The following ESR1 variants were observed in gnomAD, a reference collection of about 807,000 sequenced individuals.
The protein encoded by ESR1 is estrogen receptor.
ESR1 carries 12 observed loss-of-function variants against 52.7 expected under a neutral mutation model. That is an observed-to-expected ratio of 0.23 (90% CI 0.15 to 0.37). The LOEUF (loss-of-function observed/expected upper bound fraction) is 0.37. Ranked by LOEUF, ESR1 falls within the 10% of genes least tolerant of loss-of-function variation. The probability of loss-of-function intolerance (pLI) is 1.00; values close to 1 mark genes in which losing one functional copy is unlikely to be tolerated. For synonymous variants in ESR1, 305 were observed against 316.8 expected, an observed-to-expected ratio of 0.96 and a Z score of 0.39; for missense variants, 584 against 779.7, an observed-to-expected ratio of 0.75 and a Z score of 2.99.
At chr6:152,002,579 C>G (rs992223898) in intron 4 of ESR1, among the ~76,000 whole-genome samples, 1 of 152,042 alleles carries the variant, frequency 6.6e-6, no homozygotes, top group Non-Finnish European at 1.5e-5. Context: ...CAGTAGCTGT[C>G]CTTCCTGTCC....
At chr6:152,073,076 A>G (rs1162394785) in intron 6 of ESR1, among the ~76,000 whole-genome samples, 1 of 152,206 alleles carries the variant, frequency 6.6e-6, no homozygotes, top group African/African-American at 2.4e-5. Flanking sequence ...GGCATTTCCA[A>G]CTAAGAAAAT....
At position 152,094,512 on chromosome 6, in the gene ESR1, G is replaced by A. The variant is rs149097417; in HGVS notation, c.1497G>A (p.Gln499=). Residue 499 remains glutamine (Q), a synonymous_variant, in exon 7 of 8, where the codon CAG becomes CAA. Coordinates refer to ENST00000206249, the MANE Select transcript of ESR1 (RefSeq NM_000125.4). This position sits in a 1 kb window ranked among gnomAD's most constrained non-coding sequence, Gnocchi z 4.6. ...LMAKAGLTLQ[Q]QHQRLAQLLL... Reference sequence around the variant, plus strand: ...CCAAGGCAGGCCTGACCCTGCAGCAGCAGCACCAGCGGCTGGCCCAGCTCC... The same window carrying A: ...CCAAGGCAGGCCTGACCCTGCAGCAACAGCACCAGCGGCTGGCCCAGCTCC... 4.4e-5 allele frequency: 71 copies of A among 1,614,018 alleles called. No individual in the cohort carries two copies. Among genetic ancestry groups the A allele is most frequent in the Non-Finnish European group, 5.4e-5 (64 of 1,180,042 alleles).
intron 6 of ESR1, chr6:152,112,877 A>AC (rs144682606): frequency 6.6e-6 from 1 of 152,178 alleles, no homozygotes; most frequent in Non-Finnish European, 1.5e-5. Context: ...TGTTCCCAAG[A>AC]CCCCCTACAG....
chr6:152,076,900 G>C (rs928777573), intron 6 of ESR1, among the ~76,000 whole-genome samples: 2 of 152,162 alleles, frequency 1.3e-5, no homozygotes, highest in Non-Finnish European at 2.9e-5. Flanking sequence ...CAGCATAAAA[G>C]TTCAGAAAAT....
At chr6:151,837,878 A>G (rs956564490) in intron 1 of ESR1, among the ~76,000 whole-genome samples, 1 of 152,258 alleles carries the variant, frequency 6.6e-6, no homozygotes, top group Non-Finnish European at 1.5e-5. Flanking sequence ...ACCTTCACTT[A>G]TAATAAAGGG....
chr6:151,934,783 T>G (rs2034149509), intron 3 of ESR1, among the ~76,000 whole-genome samples: 1 of 152,216 alleles, frequency 6.6e-6, no homozygotes, highest in Admixed American at 6.5e-5. Flanking sequence ...CCAGGATGTG[T>G]GCAATTTGTA....
chr6:151,794,055 A>G (rs533482881), intron 2 of ESR1, among the ~76,000 whole-genome samples: 1 of 152,264 alleles, frequency 6.6e-6, no homozygotes, highest in African/African-American at 2.4e-5. Context: ...CAAAATGGGG[A>G]AGGGAGGGTT....
chr6:151,970,001 G>C (rs2038737693), intron 4 of ESR1, among the ~76,000 whole-genome samples: 1 of 151,810 alleles, frequency 6.6e-6, no homozygotes. Context: ...TTCATTCCCA[G>C]CTGTTCTTGA....
At chr6:152,031,058 A>G (rs1584909936) in intron 5 of ESR1, among the ~76,000 whole-genome samples, 1 of 152,324 alleles carries the variant, frequency 6.6e-6, no homozygotes, top group East Asian at 1.9e-4. Context: ...TAACGAAATG[A>G]AGGCAGAAAT....
intron 2 of ESR1, among the ~76,000 whole-genome samples, chr6:151,726,748 T>C (rs1405869880): frequency 1.3e-5 from 2 of 152,250 alleles, no homozygotes; most frequent in Non-Finnish European, 2.9e-5. Context: ...TTATTAATTA[T>C]AATAATTTTA....
At position 151,807,896 on chromosome 6, in the gene ESR1, G is replaced by A. The variant is rs956718367; in HGVS notation, c.-17G>A. 20 of 1,611,180 alleles carry A rather than the reference G, an allele frequency of 1.2e-5. 1 individual carries two copies. In the Admixed American group the frequency reaches 2.7e-4, roughly 21 times the overall value. The stretch of plus-strand genomic sequence containing the variant: ...CCTGCGGGGACACGGTCTGCACCCT[G>A]CCCGCGGCCACGGACCATGACCATG... On this transcript the variant is annotated 5_prime_UTR_variant, in exon 1 of 8. Coordinates refer to ENST00000206249, the MANE Select transcript of ESR1 (RefSeq NM_000125.4).
At chr6:152,063,295 A>G (rs1487781254) in intron 6 of ESR1, among the ~76,000 whole-genome samples, 3 of 152,170 alleles carry the variant, frequency 2.0e-5, no homozygotes, top group Non-Finnish European at 2.9e-5. Flanking sequence ...CATAGTTTAT[A>G]GTTGTCTTTT....
intron 4 of ESR1, among the ~76,000 whole-genome samples, chr6:151,999,767 C>T (rs1427527663): frequency 1.3e-5 from 2 of 152,096 alleles, no homozygotes; most frequent in East Asian, 3.9e-4. Context: ...CTATCAGGGG[C>T]TCTTACCCTG....
intron 2 of ESR1, among the ~76,000 whole-genome samples, chr6:151,873,210 G>A (rs1232047875): frequency 6.6e-6 from 1 of 152,220 alleles, no homozygotes; most frequent in Non-Finnish European, 1.5e-5. Flanking sequence ...CTTCTGGAAT[G>A]AAAGGAGACC....
At chr6:152,122,449 G>A (rs766438191) in intron 6 of ESR1, 1 of 1,614,160 alleles carries the variant, frequency 6.2e-7, no homozygotes, top group Admixed American at 1.7e-5. Flanking sequence ...GAGTGGAGGA[G>A]GGCCATTCGT....
chr6:151,740,285 A>ATTTTTTTTTTTT (rs386408967), intron 2 of ESR1, among the ~76,000 whole-genome samples: 117 of 107,954 alleles, frequency 1.1e-3, no homozygotes, highest in Middle Eastern at 6.0e-3. Context: ...TGCCTGGCTA[A>ATTTTTTTTTTTT]TTTTTTTTTT....
Position 152,053,888 on chromosome 6 carries a change from G to GT in ESR1, c.1236-7102dup, listed in dbSNP as rs576906791. ...TAAGGATTTTTTCCTGCATACTTTT[G>GT]TAAGTGTAGAAAATATATGTATAGG... On this transcript the variant is annotated intron_variant, in intron 5 of 7. Coordinates refer to ENST00000206249, the MANE Select transcript of ESR1 (RefSeq NM_000125.4). The surrounding 1 kb of genome is among the most constrained non-coding windows in gnomAD (Gnocchi z 4.1). 2.0e-3 allele frequency among the ~76,000 whole-genome samples: 308 copies of GT among 152,126 alleles called. 1 individual carries two copies. The highest frequency in any genetic ancestry group is 7.4e-3 in the African/African-American group (307 of 41,508).
At chr6:151,693,781 C>A (rs1779119068) in intron 1 of ESR1, among the ~76,000 whole-genome samples, 1 of 152,166 alleles carries the variant, frequency 6.6e-6, no homozygotes, top group Non-Finnish European at 1.5e-5. Context: ...CCATGGCCAG[C>A]TAATTTTCAT....
chr6:151,709,466 C>A (rs1171650473), intron 2 of ESR1, among the ~76,000 whole-genome samples: 2 of 152,094 alleles, frequency 1.3e-5, no homozygotes, highest in Non-Finnish European at 2.9e-5. Context: ...ATGGCTTTGA[C>A]ATACTGAATA....
Sources: gnomAD v4.1 joint callset for allele counts (sites outside exome capture counted in the v4.1 genomes callset) on GRCh38, gnomAD v4.1.1 for gene constraint, Gnocchi (gnomAD v3.1) non-coding constraint, MANE v1.5 for transcripts, NCBI Gene and HGNC (gene_info 2026-07-23, HGNC 2026-07-21) for gene names.